Variants in PRKCE observed in about 807,000 individuals in gnomAD.
The protein encoded by PRKCE is protein kinase C epsilon type.
In PRKCE, 16 loss-of-function variants were observed where a neutral mutation model predicts 85.4. The observed-to-expected ratio is 0.19, with a 90% CI of 0.13 to 0.28. PRKCE has a LOEUF of 0.28. PRKCE is among the 10% of genes least tolerant of loss of function. PRKCE has a pLI of 1.00. For synonymous variants in PRKCE, 388 were observed against 371.5 expected (o/e 1.04, Z -0.51); for missense variants, 573 against 975.2 (o/e 0.59, Z 5.49).
intron 1 of PRKCE, among the ~76,000 whole-genome samples, chr2:45,679,175 C>A (rs569644040): frequency 5.3e-5 from 8 of 152,254 alleles, no homozygotes; most frequent in African/African-American, 1.9e-4. Flanking sequence ...ATGCAAGCAG[C>A]AGAATGGCAG....
chr2:45,707,483 T>TG (rs1679207201), intron 1 of PRKCE, among the ~76,000 whole-genome samples: 1 of 152,196 alleles, frequency 6.6e-6, no homozygotes, highest in South Asian at 2.1e-4. Context: ...ATTTGACAGA[T>TG]GGGGGAGAAA....
chr2:45,944,226 G>A (rs1206263574), intron 2 of PRKCE, among the ~76,000 whole-genome samples: 2 of 152,046 alleles, frequency 1.3e-5, no homozygotes, highest in African/African-American at 4.8e-5. Flanking sequence ...TGCTCCATTC[G>A]GACTTTTTGA....
chr2:45,730,570 G>A (rs975922454), intron 1 of PRKCE, among the ~76,000 whole-genome samples: 2 of 148,662 alleles, frequency 1.3e-5, no homozygotes, highest in Non-Finnish European at 3.0e-5. Flanking sequence ...GGCAATTCTT[G>A]TGCCTCAGCC....
At chr2:46,086,389 TG>T (rs764120236) in intron 11 of PRKCE, 27 bp downstream of exon 11, 1 of 1,587,470 alleles carries the variant, frequency 6.3e-7, no homozygotes, top group South Asian at 1.1e-5. Context: ...TCCTCTTTCC[TG>T]AAAGTGAAGA....
intron 1 of PRKCE, among the ~76,000 whole-genome samples, chr2:45,764,147 G>C (rs1317467037): frequency 1.3e-5 from 2 of 152,134 alleles, no homozygotes; most frequent in Admixed American, 1.3e-4. Flanking sequence ...ACCAAAAAGA[G>C]TCCTCCCACA....
At chr2:46,054,824 C>T (rs567805518) in intron 10 of PRKCE, among the ~76,000 whole-genome samples, 2 of 151,462 alleles carry the variant, frequency 1.3e-5, no homozygotes, top group East Asian at 3.9e-4. Flanking sequence ...ATAAAAACCC[C>T]AGAACTCAGA....
intron 11 of PRKCE, among the ~76,000 whole-genome samples, chr2:46,091,826 C>A (rs904328890): frequency 6.6e-6 from 1 of 152,190 alleles, no homozygotes; most frequent in East Asian, 1.9e-4. Flanking sequence ...TTATCCATCC[C>A]GGTCTCCAAA....
intron 11 of PRKCE, among the ~76,000 whole-genome samples, chr2:46,097,328 C>T (rs1384338813): frequency 6.6e-6 from 1 of 151,904 alleles, no homozygotes; most frequent in Non-Finnish European, 1.5e-5. Flanking sequence ...ACCATCCTGG[C>T]TAACGCGGGG....
Position 46,187,703 on chromosome 2 carries a change from G to A in PRKCE, c.*2822G>A, listed in dbSNP as rs1410737369. ...TTTCCTCCAAAGGTGAAAAAACAATGCATTCTTGCTTTAAAAAAAAAAAAG... is the reference window on the plus strand; with the variant it reads ...TTTCCTCCAAAGGTGAAAAAACAATACATTCTTGCTTTAAAAAAAAAAAAG... On this transcript the variant is annotated 3_prime_UTR_variant, in exon 15 of 15. Transcript: ENST00000306156. The A allele has an allele frequency of 6.7e-6, 1 of 148,974 alleles. No homozygotes were observed. The highest frequency in any genetic ancestry group is 6.7e-5 in the Admixed American group (1 of 14,940). The allele number at this position is 148,974 out of a possible 1,614,324, so 9.2% of individuals were successfully genotyped here.
chr2:45,821,030 A>C (rs570928198), intron 1 of PRKCE, among the ~76,000 whole-genome samples: 2 of 152,144 alleles, frequency 1.3e-5, no homozygotes, highest in Non-Finnish European at 2.9e-5. Context: ...TTTGAGCCCC[A>C]AGGGTCAGGG....
At chr2:45,734,504 G>T (rs1379765771) in intron 1 of PRKCE, among the ~76,000 whole-genome samples, 3 of 152,234 alleles carry the variant, frequency 2.0e-5, no homozygotes, top group Admixed American at 6.5e-5. Context: ...AGTGGTGTGA[G>T]CATTGGAAGT....
chr2:45,927,724 G>T (rs560716031), intron 2 of PRKCE, among the ~76,000 whole-genome samples: 3 of 152,224 alleles, frequency 2.0e-5, no homozygotes, highest in Non-Finnish European at 4.4e-5. Flanking sequence ...TCCTGCAGTG[G>T]ATTTGAATAT....
chr2:45,832,975 C>T (rs1012657581), intron 1 of PRKCE, among the ~76,000 whole-genome samples: 5 of 151,788 alleles, frequency 3.3e-5, no homozygotes, highest in Admixed American at 3.3e-4. Context: ...TTGAAGAACT[C>T]AGAAAGATGG....
At chr2:45,893,601 A>G (rs987617804) in intron 2 of PRKCE, among the ~76,000 whole-genome samples, 2 of 151,304 alleles carry the variant, frequency 1.3e-5, no homozygotes, top group African/African-American at 2.4e-5. Flanking sequence ...ACCTCAGGCA[A>G]TCCGCCCGCC....
At chr2:45,694,720 C>T (rs1357164589) in intron 1 of PRKCE, among the ~76,000 whole-genome samples, 1 of 152,154 alleles carries the variant, frequency 6.6e-6, no homozygotes, top group Non-Finnish European at 1.5e-5. Context: ...CATGGAATAG[C>T]ATCTTGGGTG....
intron 1 of PRKCE, among the ~76,000 whole-genome samples, chr2:45,809,893 A>G (rs1008351167): frequency 6.6e-6 from 1 of 151,722 alleles, no homozygotes; most frequent in African/African-American, 2.4e-5. Context: ...AAAAAAAAAA[A>G]GTCTGGGTAC....
At chr2:45,972,990 C>T (rs1260626521) in intron 2 of PRKCE, among the ~76,000 whole-genome samples, 1 of 152,192 alleles carries the variant, frequency 6.6e-6, no homozygotes. Flanking sequence ...ATCACATTTC[C>T]TGATTTCAAA....
chr2:45,878,561 C>G (rs929033820), intron 2 of PRKCE, among the ~76,000 whole-genome samples: 13 of 152,078 alleles, frequency 8.5e-5, no homozygotes, highest in African/African-American at 2.4e-4. Flanking sequence ...CACTGTTATT[C>G]AATTTCCCTA....
intron 1 of PRKCE, among the ~76,000 whole-genome samples, chr2:45,760,567 C>T (rs768052318): frequency 3.9e-5 from 6 of 152,124 alleles, no homozygotes; most frequent in African/African-American, 1.2e-4. Context: ...AGGCGTGACA[C>T]GATGAAGGTA....
Sources: gnomAD v4.1 joint callset for allele counts (sites outside exome capture counted in the v4.1 genomes callset) on GRCh38, gnomAD v4.1.1 for gene constraint, MANE v1.5 for transcripts, NCBI Gene and HGNC (gene_info 2026-07-23, HGNC 2026-07-21) for gene names.